The following TBC1D32 variants were observed in gnomAD, a reference collection of about 807,000 sequenced individuals.
The protein encoded by TBC1D32 is TBC1 domain family member 32.
TBC1D32 carries 151 observed loss-of-function variants against 170.3 expected under a neutral mutation model. The ratio of observed to expected loss-of-function variants is 0.89; its 90% confidence interval spans 0.78 to 1.01. TBC1D32 has a LOEUF of 1.01. Among genes scored for constraint, TBC1D32 ranks in the 50% least tolerant of loss-of-function variants. TBC1D32 has a pLI of 0.00. For synonymous variants in TBC1D32, 498 were observed against 488.0 expected (o/e 1.02, Z -0.27); for missense variants, 1,464 against 1,457.1 (o/e 1.00, Z -0.08).
chr6:121,276,350 T>C (rs1485121553), intron 15 of TBC1D32, among the ~76,000 whole-genome samples: 4 of 152,036 alleles, frequency 2.6e-5, no homozygotes, highest in African/African-American at 9.7e-5. Context: ...ACTAAAACAA[T>C]ATAATTAGCA....
chr6:121,213,275 C>T (rs962954205), intron 21 of TBC1D32, among the ~76,000 whole-genome samples: 17 of 151,844 alleles, frequency 1.1e-4, no homozygotes, highest in South Asian at 4.2e-4. Context: ...TGTTTGCAGA[C>T]GGCATGATTC....
chr6:121,082,490 G>A (rs1195677536), intron 31 of TBC1D32, among the ~76,000 whole-genome samples: 1 of 151,926 alleles, frequency 6.6e-6, no homozygotes, highest in Non-Finnish European at 1.5e-5. Flanking sequence ...CTAAGATGGG[G>A]AGGGATTATG....
At chr6:121,328,519 C>T (rs1003289165) in intron 1 of TBC1D32, among the ~76,000 whole-genome samples, 6 of 152,094 alleles carry the variant, frequency 3.9e-5, no homozygotes, top group Middle Eastern at 3.4e-3. Flanking sequence ...CTCCTGACCT[C>T]GTGATCCACT....
intron 1 of TBC1D32, among the ~76,000 whole-genome samples, chr6:121,330,602 A>G (rs1811087815): frequency 6.6e-6 from 1 of 152,184 alleles, no homozygotes; most frequent in African/African-American, 2.4e-5. Flanking sequence ...ACTATGCTCT[A>G]ATTCTGAGGT....
intron 15 of TBC1D32, among the ~76,000 whole-genome samples, chr6:121,270,585 C>A (rs947711720): frequency 2.6e-5 from 4 of 152,112 alleles, no homozygotes; most frequent in African/African-American, 9.7e-5. Flanking sequence ...CCTGAATAGA[C>A]CAATATCAGG....
chr6:121,293,283 A>G (rs2128465422), intron 11 of TBC1D32, among the ~76,000 whole-genome samples: 1 of 152,280 alleles, frequency 6.6e-6, no homozygotes, highest in Admixed American at 6.5e-5. Flanking sequence ...AAGTTTGTAA[A>G]TGAGATAACA....
intron 17 of TBC1D32, among the ~76,000 whole-genome samples, chr6:121,246,372 GA>G (rs1224454586): frequency 6.6e-6 from 1 of 151,726 alleles, no homozygotes; most frequent in African/African-American, 2.4e-5. Flanking sequence ...ATCCTTAAGA[GA>G]AAAAAAATTT....
chr6:121,264,018 A>G (rs1455426593), intron 15 of TBC1D32, among the ~76,000 whole-genome samples: 1 of 152,166 alleles, frequency 6.6e-6, no homozygotes, highest in Non-Finnish European at 1.5e-5. Context: ...TAACATCAAA[A>G]CTAAAATAAC....
intron 22 of TBC1D32, among the ~76,000 whole-genome samples, chr6:121,195,575 G>A (rs1159430407): frequency 2.6e-5 from 4 of 152,052 alleles, no homozygotes; most frequent in Non-Finnish European, 5.9e-5. Flanking sequence ...ATATGTGATC[G>A]GGCTCGAGCA....
chr6:121,301,528 G>T (rs1563310132), intron 9 of TBC1D32, among the ~76,000 whole-genome samples: 1 of 151,980 alleles, frequency 6.6e-6, no homozygotes. Context: ...CACACACCAG[G>T]GCCTGTTTGG....
intron 15 of TBC1D32, among the ~76,000 whole-genome samples, chr6:121,269,109 G>A (rs1800975800): frequency 6.6e-6 from 1 of 152,142 alleles, no homozygotes; most frequent in Admixed American, 6.5e-5. Context: ...GCTGCTGAAG[G>A]AAGCACTAAA....
At chr6:121,206,548 T>C (rs548940770) in intron 21 of TBC1D32, among the ~76,000 whole-genome samples, 5 of 152,170 alleles carry the variant, frequency 3.3e-5, no homozygotes, top group Admixed American at 3.3e-4. Flanking sequence ...TATTTCAAAA[T>C]CACACTTGAA....
intron 30 of TBC1D32, among the ~76,000 whole-genome samples, chr6:121,101,056 A>G (rs1161576025): frequency 6.6e-6 from 1 of 152,168 alleles, no homozygotes; most frequent in Non-Finnish European, 1.5e-5. Flanking sequence ...GAATTCCTGA[A>G]TCGACCAATA....
chr6:121,257,543 C>T (rs973891914), intron 15 of TBC1D32, among the ~76,000 whole-genome samples: 1 of 152,112 alleles, frequency 6.6e-6, no homozygotes, highest in Admixed American at 6.6e-5. Flanking sequence ...AGAACTTTTC[C>T]TCAGTAACAT....
chr6:121,115,111 A>C (rs577988088), intron 27 of TBC1D32, 61 bp downstream of exon 27: 3 of 1,316,378 alleles, frequency 2.3e-6, no homozygotes, highest in Non-Finnish European at 3.2e-6. Flanking sequence ...TACTGAGCAC[A>C]TATGAGGCAG....
intron 22 of TBC1D32, chr6:121,170,648 T>A: frequency 1.6e-6 from 1 of 622,068 alleles, no homozygotes; most frequent in Non-Finnish European, 2.3e-6. Context: ...GAAAGTATCA[T>A]TTAGTTATTT....
rs1313038638 is a variant in TBC1D32, at chr6:121,255,351, T to G, written c.1995A>C (p.Ser665=). The part of the protein sequence containing the change: ...TPVEGSDSVS[S]VSQESQNIMA... ...ACATGTTTTGGGATTCCTGGCTTAC[T>G]GAAGAAACAGAATCAGAACCCTCTA... Residue 665 remains serine (S), a synonymous_variant, in exon 17 of 32, where the codon TCA becomes TCC. Transcript: ENST00000398212. 1 of 1,565,838 alleles carries G rather than the reference T, an allele frequency of 6.4e-7. No individual in the cohort carries two copies. Among genetic ancestry groups the G allele is most frequent in the Non-Finnish European group, 8.6e-7 (1 of 1,156,124 alleles).
At chr6:121,135,458 G>A (rs114784982) in intron 24 of TBC1D32, among the ~76,000 whole-genome samples, 203 of 152,304 alleles carry the variant, frequency 1.3e-3, no homozygotes, top group African/African-American at 4.7e-3. Context: ...AATGGGCAGT[G>A]CAGGACTGTA....
At chr6:121,154,056 C>A (rs200774409) in intron 24 of TBC1D32, among the ~76,000 whole-genome samples, 2 of 96,212 alleles carry the variant, frequency 2.1e-5, no homozygotes, top group Admixed American at 9.7e-5. Flanking sequence ...AAAAAAAAAA[C>A]CTCCTGCACC....
Sources: gnomAD v4.1 joint callset for allele counts (sites outside exome capture counted in the v4.1 genomes callset) on GRCh38, gnomAD v4.1.1 for gene constraint, MANE v1.5 for transcripts, NCBI Gene and HGNC (gene_info 2026-07-23, HGNC 2026-07-21) for gene names.